The following TYRP1 variants were observed in gnomAD, a reference collection of about 807,000 sequenced individuals.
The protein encoded by TYRP1 is tyrosinase related protein 1.
A neutral mutation model predicts 42.8 loss-of-function variants in TYRP1; 49 were observed. The ratio of observed to expected loss-of-function variants is 1.14; its 90% CI spans 0.91 to 1.45. The LOEUF (loss-of-function observed/expected upper bound fraction) is 1.45, where lower values mean the gene tolerates loss of function less well. Among genes scored for constraint, TYRP1 ranks in the 40% most tolerant of loss-of-function variants. The pLI is 0.00. For missense variants in TYRP1, 848 were observed against 662.0 expected, an observed-to-expected ratio of 1.28 and a Z score of -3.08; for synonymous variants, 279 against 235.4, an observed-to-expected ratio of 1.19 and a Z score of -1.69.
At position 12,693,981 on chromosome 9, in the gene TYRP1, T is replaced by A; in HGVS notation, c.-16T>A. 1 of 1,613,740 alleles carries A rather than the reference T, an allele frequency of 6.2e-7. No individual in the cohort carries two copies. The highest frequency in any genetic ancestry group is 2.2e-5 in the East Asian group (1 of 44,844). On this transcript the variant is annotated 5_prime_UTR_variant, in exon 2 of 8. Coordinates refer to ENST00000388918, the MANE Select transcript of TYRP1 (RefSeq NM_000550.3). ...TGCAAACCAGGTCTTTGTTTTGCACTCTTATTTCAAGCAGAATGAGTGCTC... is the reference window on the plus strand; with the variant it reads ...TGCAAACCAGGTCTTTGTTTTGCACACTTATTTCAAGCAGAATGAGTGCTC...
intron 5 of TYRP1, among the ~76,000 whole-genome samples, chr9:12,704,185 G>GAAAC (rs1586845457): frequency 2.0e-5 from 3 of 152,104 alleles, no homozygotes; most frequent in East Asian, 3.9e-4. Context: ...GTTTTTAGCA[G>GAAAC]AAACTGGAGA....
At chr9:12,707,833 AT>A in intron 6 of TYRP1, 163 bp from the exon 7 acceptor site, 1 of 648,144 alleles carries the variant, frequency 1.5e-6, no homozygotes, top group Non-Finnish European at 2.6e-6. Flanking sequence ...GTTTTATGTA[AT>A]TTCTCATCCT....
In TYRP1 at chr9:12,706,466, C is replaced by A. The variant is rs543919659; in HGVS notation, c.1262-1531C>A. Reference sequence around the variant, plus strand: ...AGGTCATTGATGAACCAGAAAAATACCTTTTGAACATTTTTTTCTGACATT... The same window carrying A: ...AGGTCATTGATGAACCAGAAAAATAACTTTTGAACATTTTTTTCTGACATT... On this transcript the variant is annotated intron_variant, in intron 6 of 7. Coordinates refer to ENST00000388918, the MANE Select transcript of TYRP1 (RefSeq NM_000550.3). 3.3e-5 allele frequency among the ~76,000 whole-genome samples: 5 copies of A among 152,022 alleles called. No homozygotes were observed. The South Asian group carries it at 1.0e-3, about 32-fold the overall frequency.
chr9:12,703,398 C>A, intron 5 of TYRP1, among the ~76,000 whole-genome samples: 1 of 151,632 alleles, frequency 6.6e-6, no homozygotes, highest in East Asian at 1.9e-4. Context: ...TACCTGAATG[C>A]ACTGATTTGA....
At chr9:12,695,047 G>T (rs1818053979) in intron 2 of TYRP1, among the ~76,000 whole-genome samples, 1 of 152,010 alleles carries the variant, frequency 6.6e-6, no homozygotes, top group Admixed American at 6.6e-5. Flanking sequence ...TTTCAATTCT[G>T]TAAAGCAAGT....
chr9:12,707,255 A>G (rs2118269210), intron 6 of TYRP1, among the ~76,000 whole-genome samples: 1 of 152,134 alleles, frequency 6.6e-6, no homozygotes, highest in Admixed American at 6.6e-5. Context: ...AGAGAAATGA[A>G]GTAATCACAC....
intron 2 of TYRP1, among the ~76,000 whole-genome samples, chr9:12,694,978 A>G (rs1365850256): frequency 6.6e-6 from 1 of 152,214 alleles, no homozygotes; most frequent in East Asian, 1.9e-4. Flanking sequence ...ACATGTATTG[A>G]GTCCTTACTA....
chr9:12,708,264 T>A (rs1002754901), intron 7 of TYRP1, 121 bp downstream of exon 7: 10 of 1,245,834 alleles, frequency 8.0e-6, no homozygotes, highest in Non-Finnish European at 1.1e-5. Context: ...AAACTTTCAT[T>A]TGTACTTTTA....
intron 3 of TYRP1, among the ~76,000 whole-genome samples, 162 bp from the exon 4 acceptor site, chr9:12,698,289 A>G (rs561873184): frequency 6.6e-6 from 1 of 152,236 alleles, no homozygotes; most frequent in South Asian, 2.1e-4. Context: ...TTGTTAAATA[A>G]GGTTTTAACT....
Position 12,704,575 on chromosome 9 carries a change from C to A in TYRP1, c.1131C>A (p.His377Gln). ...ATGACCCTGCTGTTCGAAGTCTTCA[C>A]AATTTGGCTCATCTATTCCTGAATG... ...GKYDPAVRSL[H>Q]NLAHLFLNGT... Residue 377 changes from histidine to glutamine, a missense_variant, in exon 6 of 8, where the codon CAC becomes CAA. Physicochemically the swap from His to Gln is conservative, Grantham distance 24. Coordinates refer to ENST00000388918, the MANE Select transcript of TYRP1 (RefSeq NM_000550.3). 1 of 1,613,112 alleles carries A rather than the reference C, an allele frequency of 6.2e-7. No individual in the cohort carries two copies. The highest frequency in any genetic ancestry group is 8.5e-7 in the Non-Finnish European group (1 of 1,179,484).
intron 6 of TYRP1, among the ~76,000 whole-genome samples, chr9:12,706,684 C>A (rs1049154716): frequency 1.3e-5 from 2 of 151,898 alleles, no homozygotes; most frequent in Non-Finnish European, 2.9e-5. Flanking sequence ...CAATTAGCCT[C>A]CTTCTTAAAT....
intron 3 of TYRP1, 117 bp from the exon 4 acceptor site, chr9:12,698,334 C>T (rs956620777): frequency 1.3e-5 from 13 of 995,532 alleles, no homozygotes; most frequent in Non-Finnish European, 1.6e-6. Context: ...GATATACTAA[C>T]CAGTACCTTA....
chr9:12,696,670 A>AGT (rs563527871), intron 3 of TYRP1, among the ~76,000 whole-genome samples: 299 of 152,296 alleles, frequency 2.0e-3, no homozygotes, highest in African/African-American at 6.8e-3. Context: ...CTTCAAACAT[A>AGT]TTAAAGTATC....
At chr9:12,702,038 C>CT (rs376910531) in intron 4 of TYRP1, among the ~76,000 whole-genome samples, 4 of 151,732 alleles carry the variant, frequency 2.6e-5, no homozygotes, top group Non-Finnish European at 4.4e-5. Flanking sequence ...TAGTGTGATT[C>CT]TTTTTTTTCC....
chr9:12,698,309 C>T (rs1818108931), intron 3 of TYRP1, 142 bp from the exon 4 acceptor site: 1 of 794,174 alleles, frequency 1.3e-6, no homozygotes, highest in Non-Finnish European at 2.1e-6. Flanking sequence ...TCCTCTGGGC[C>T]CCTCAGACAC....
Position 12,704,521 on chromosome 9 carries a change from T to A in TYRP1, c.1082-5T>A, listed in dbSNP as rs201296701. ...TTACTATTCTCCTCCTTACCATGTG[T>A]CTAGGTTACAGTGACCCCACGGGAA... On this transcript the variant is annotated splice_polypyrimidine_tract_variant and splice_region_variant and intron_variant, in intron 5 of 7. Transcript: ENST00000388918. 33 of 1,610,944 alleles carry A rather than the reference T, an allele frequency of 2.0e-5. No individual in the cohort carries two copies. Among genetic ancestry groups the A allele is most frequent in the Non-Finnish European group, 2.6e-5 (31 of 1,179,098 alleles).
At chr9:12,699,625 A>G (rs1008329024) in intron 4 of TYRP1, among the ~76,000 whole-genome samples, 1 of 152,124 alleles carries the variant, frequency 6.6e-6, no homozygotes, top group Non-Finnish European at 1.5e-5. Context: ...AGCAATGTAT[A>G]GGAATAAGAG....
rs1300757266 is a variant in TYRP1, at chr9:12,709,836, A to G, written c.*654A>G. 1 of 153,412 alleles carries G rather than the reference A, an allele frequency of 6.5e-6. No homozygotes were observed. Among genetic ancestry groups the G allele is most frequent in the Non-Finnish European group, 1.4e-5 (1 of 68,976 alleles). 9.5% of individuals were successfully genotyped at this position (153,412 alleles called of 1,614,324 possible). A position where few individuals can be genotyped will look rare whatever the true frequency, so the allele number is the denominator to read the frequency against. On this transcript the variant is annotated 3_prime_UTR_variant, in exon 8 of 8. Coordinates refer to ENST00000388918, the MANE Select transcript of TYRP1 (RefSeq NM_000550.3). Reference sequence around the variant, plus strand: ...AGGGAAAATCTTCACTTTCTTAAGCAACAATGGATATTGCCTGTGTTTGCC... The same window carrying G: ...AGGGAAAATCTTCACTTTCTTAAGCGACAATGGATATTGCCTGTGTTTGCC...
intron 6 of TYRP1, among the ~76,000 whole-genome samples, chr9:12,705,198 A>G (rs778992812): frequency 8.5e-5 from 13 of 152,072 alleles, no homozygotes; most frequent in Non-Finnish European, 1.6e-4. Context: ...ATATCACACT[A>G]TAGGAAATCT....
Sources: allele counts gnomAD v4.1 joint callset (sites outside exome capture counted in the v4.1 genomes callset), GRCh38; gene constraint gnomAD v4.1.1; transcripts MANE v1.5; gene names NCBI Gene and HGNC (gene_info 2026-07-23, HGNC 2026-07-21).